CDH4: variants seen among roughly 807,000 people sequenced by gnomAD.
CDH4 encodes cadherin-4.
CDH4 carries 33 observed loss-of-function variants against 86.0 expected under a neutral mutation model. The ratio of observed to expected loss-of-function variants is 0.38; its 90% CI spans 0.29 to 0.51. CDH4 has a LOEUF of 0.51. Among genes scored for constraint, CDH4 ranks in the 20% least tolerant of loss-of-function variants. CDH4 has a pLI of 0.86. For missense variants in CDH4, 1,114 were observed against 1,307.4 expected (o/e 0.85, Z 2.28); for synonymous variants, 555 against 549.4 (o/e 1.01, Z -0.14).
intron 2 of CDH4, among the ~76,000 whole-genome samples, chr20:61,338,475 A>G (rs1399830755): frequency 6.6e-6 from 1 of 152,170 alleles, no homozygotes; most frequent in Non-Finnish European, 1.5e-5. Flanking sequence ...CTCCAGAAGA[A>G]TGGGAATCGG....
intron 2 of CDH4, among the ~76,000 whole-genome samples, chr20:61,390,513 A>G (rs1182801616): frequency 5.6e-5 from 8 of 141,764 alleles, no homozygotes; most frequent in Middle Eastern, 4.8e-3. Context: ...GGAAACCCCA[A>G]TTGAGATCGT....
intron 2 of CDH4, among the ~76,000 whole-genome samples, chr20:61,609,029 T>TC (rs1413580788): frequency 6.6e-6 from 1 of 152,166 alleles, no homozygotes; most frequent in Admixed American, 6.6e-5. Context: ...AGTGCCCAGC[T>TC]CCTCCATCTT....
chr20:61,383,821 G>GTA lies in CDH4; in HGVS notation c.169+128890_169+128891dup, dbSNP rs1163921699. Among the ~76,000 whole-genome samples the GTA allele has an allele frequency of 7.1e-5, 6 of 85,092 alleles. No homozygotes were observed. The East Asian group carries it at 1.7e-3, about 24-fold the overall frequency. The allele number at this position is 85,092 out of a possible 152,430, so 55.8% of individuals were successfully genotyped here. A position where few individuals can be genotyped will look rare whatever the true frequency, so the allele number is the denominator to read the frequency against. ...TGCATATATATGAAGATATATATGC[G>GTA]TATATATGAAGATATATATGCGTAT... On this transcript the variant is annotated intron_variant, in intron 2 of 15. Coordinates refer to ENST00000614565, the MANE Select transcript of CDH4 (RefSeq NM_001794.5).
intron 4 of CDH4, among the ~76,000 whole-genome samples, chr20:61,798,653 A>G (rs1979673551): frequency 6.6e-6 from 1 of 152,240 alleles, no homozygotes; most frequent in Admixed American, 6.5e-5. Context: ...CATGGACACC[A>G]GCACGCTGGG....
chr20:61,609,668 G>A (rs1017682683), intron 2 of CDH4, among the ~76,000 whole-genome samples: 2 of 152,196 alleles, frequency 1.3e-5, no homozygotes, highest in African/African-American at 4.8e-5. Flanking sequence ...CAGGCAGCAG[G>A]TGGCCACGCT....
At chr20:61,802,601 C>T (rs556549602) in intron 4 of CDH4, among the ~76,000 whole-genome samples, 5 of 152,122 alleles carry the variant, frequency 3.3e-5, no homozygotes, top group African/African-American at 7.2e-5. Flanking sequence ...CGGGAGTCCA[C>T]GCGTGGGTTT....
intron 2 of CDH4, among the ~76,000 whole-genome samples, chr20:61,471,130 T>C (rs915585181): frequency 7.2e-5 from 11 of 152,114 alleles, no homozygotes; most frequent in African/African-American, 2.4e-4. Context: ...TCTTTAAATA[T>C]TTGGTAAAAT....
chr20:61,295,704 G>A (rs1220476419), intron 2 of CDH4, among the ~76,000 whole-genome samples: 1 of 152,200 alleles, frequency 6.6e-6, no homozygotes, highest in Non-Finnish European at 1.5e-5. Context: ...AGGCTGAGCT[G>A]GATAAATGGC....
At chr20:61,397,487 G>A (rs1208417816) in intron 2 of CDH4, among the ~76,000 whole-genome samples, 1 of 151,948 alleles carries the variant, frequency 6.6e-6, no homozygotes, top group Non-Finnish European at 1.5e-5. Context: ...CTTTCCCAAC[G>A]AGACCTAGAA....
rs1484572313 is a variant in CDH4 at position 61,565,247 on chromosome 20, GCTCTTGGTGATGGTGGTGGTGGTC to G, written c.170-178302_170-178279del. 1.2e-3 allele frequency among the ~76,000 whole-genome samples: 138 copies of G among 116,382 alleles called. 13 individuals are homozygous for G. Among genetic ancestry groups the G allele is most frequent in the East Asian group, 2.1e-3 (9 of 4,254 alleles). 76.4% of individuals were successfully genotyped at this position (116,382 alleles called of 152,430 possible). A position where few individuals can be genotyped will look rare whatever the true frequency, so the allele number is the denominator to read the frequency against. ...AGGTGGTGGTGGTGGTGGTGGCGGTGCTCTTGGTGATGGTGGTGGTGGTCCTCTTGGTGATGGGGTGATGGTGGT... is the reference window on the plus strand; with the variant it reads ...AGGTGGTGGTGGTGGTGGTGGCGGTGCTCTTGGTGATGGGGTGATGGTGGT... On this transcript the variant is annotated intron_variant, in intron 2 of 15. Coordinates refer to ENST00000614565, the MANE Select transcript of CDH4 (RefSeq NM_001794.5).
At chr20:61,521,243 G>C (rs953927132) in intron 2 of CDH4, among the ~76,000 whole-genome samples, 1 of 151,912 alleles carries the variant, frequency 6.6e-6, no homozygotes, top group Non-Finnish European at 1.5e-5. Context: ...CATTGGGAGC[G>C]GGTCTGTGCT....
At chr20:61,608,127 T>A (rs1028489711) in intron 2 of CDH4, among the ~76,000 whole-genome samples, 2 of 152,112 alleles carry the variant, frequency 1.3e-5, no homozygotes, top group African/African-American at 4.8e-5. Flanking sequence ...TCTGAGAAGA[T>A]CCTGGGCTGC....
intron 2 of CDH4, among the ~76,000 whole-genome samples, chr20:61,396,601 G>A (rs1272133566): frequency 6.6e-6 from 1 of 152,226 alleles, no homozygotes; most frequent in Non-Finnish European, 1.5e-5. Context: ...AGCATCCTGA[G>A]ACCAGCAGAC....
In CDH4 at chr20:61,873,854, G is replaced by C; in HGVS notation, c.1004G>C (p.Ser335Thr). 1 of 1,614,148 alleles carries C rather than the reference G, an allele frequency of 6.2e-7. No homozygotes were observed. Residue 335 changes from serine to threonine, a missense_variant, in exon 7 of 16, where the codon AGC becomes ACC. Physicochemically the swap from Ser to Thr is moderately conservative, Grantham distance 58. Transcript: ENST00000614565. ...TCCCAGAATATGTTCACCATCAACA[G>C]CGAGACTGGAGATATCGTCACAGTG... is the stretch of plus-strand genomic sequence containing the variant. ...SPSQNMFTINSETGDIVTVAA... is the reference protein window; with the variant it reads ...SPSQNMFTINTETGDIVTVAA...
chr20:61,367,790 G>C (rs1410379418), intron 2 of CDH4, among the ~76,000 whole-genome samples: 2 of 151,346 alleles, frequency 1.3e-5, no homozygotes, highest in African/African-American at 2.4e-5. Context: ...CGTAGATGCT[G>C]AAACTACTGA....
chr20:61,936,637 ACCTC>A, intron 15 of CDH4, 96 bp from the exon 16 acceptor site: 1 of 921,602 alleles, frequency 1.1e-6, no homozygotes, highest in Non-Finnish European at 1.5e-6. Flanking sequence ...GCAACGTCCT[ACCTC>A]CCTACCTCTT....
At chr20:61,402,128 G>C (rs1314880127) in intron 2 of CDH4, among the ~76,000 whole-genome samples, 2 of 152,142 alleles carry the variant, frequency 1.3e-5, no homozygotes, top group Non-Finnish European at 2.9e-5. Flanking sequence ...CTGTCTTAAA[G>C]CATATACAGC....
chr20:61,286,771 T>C (rs2084295522), intron 2 of CDH4, among the ~76,000 whole-genome samples: 1 of 152,236 alleles, frequency 6.6e-6, no homozygotes, highest in South Asian at 2.1e-4. Flanking sequence ...TGGGCAAATT[T>C]CAAAGTTGCA....
intron 2 of CDH4, among the ~76,000 whole-genome samples, chr20:61,653,644 C>T (rs1444835896): frequency 4.4e-4 from 44 of 99,188 alleles, no homozygotes; most frequent in Non-Finnish European, 7.4e-4. Flanking sequence ...GGCTGCCGGG[C>T]TGAGGGGCTC....
Sources: allele counts gnomAD v4.1 joint callset (sites outside exome capture counted in the v4.1 genomes callset), GRCh38; gene constraint gnomAD v4.1.1; transcripts MANE v1.5; gene names NCBI Gene and HGNC (gene_info 2026-07-23, HGNC 2026-07-21).